Variants in CYTH2 observed in about 807,000 individuals in gnomAD.
CYTH2 encodes cytohesin 2, also known as cytohesin-2.
A neutral mutation model predicts 55.4 loss-of-function variants in CYTH2; 24 were observed. That is an observed-to-expected ratio of 0.43 (90% CI 0.31 to 0.61). The LOEUF is 0.61. Among genes scored for constraint, CYTH2 ranks in the 20% least tolerant of loss-of-function variants. CYTH2 has a pLI of 0.08. For missense variants in CYTH2, 378 were observed against 533.5 expected (o/e 0.71, Z 2.87); for synonymous variants, 221 against 209.6 (o/e 1.05, Z -0.47).
intron 8 of CYTH2, chr19:48,477,750 CA>C (rs1971946247): frequency 7.6e-6 from 3 of 394,518 alleles, no homozygotes; most frequent in Non-Finnish European, 1.4e-5. Context: ...TGTCTCCCAT[CA>C]CTAGACGAGG....
chr19:48,474,442 T>C lies in CYTH2; in HGVS notation c.696+112T>C. 8.8e-7 allele frequency: 1 copy of C among 1,139,046 alleles called. No homozygotes were observed. Among genetic ancestry groups the C allele is most frequent in the Non-Finnish European group, 1.2e-6 (1 of 823,930 alleles). 70.6% of individuals were successfully genotyped at this position (1,139,046 alleles called of 1,614,324 possible). On this transcript the variant is annotated intron_variant, in intron 7 of 11. Coordinates refer to ENST00000452733, the MANE Select transcript of CYTH2 (RefSeq NM_004228.7). This position sits in a 1 kb window ranked among gnomAD's most constrained non-coding sequence, Gnocchi z 4.9. ...CTGTCTGCCCTCACCCCCAAGATGG[T>C]GCGATCATGCCAACTCGTGTGTGAT...
chr19:48,478,728 A>T, intron 11 of CYTH2, 136 bp downstream of exon 11: 1 of 754,970 alleles, frequency 1.3e-6, no homozygotes, highest in Admixed American at 3.8e-5. Context: ...GGTCTGACGG[A>T]GGAGGGGCTG....
rs1161706140 is a variant in CYTH2 at position 48,473,968 on chromosome 19, C to T, written c.498C>T (p.Ala166=). The change falls in exon 6 of 12, where the codon GCC becomes GCT. Residue 166 remains alanine (A), a synonymous_variant. Transcript: ENST00000452733. ...AGAAAATTGACCGGATGATGGAGGC[C>T]TTCGCCCAGCGATACTGCCTGTGCA... ...EAQKIDRMME[A]FAQRYCLCNP... 2.5e-6 allele frequency: 4 copies of T among 1,613,812 alleles called. No homozygotes were observed. Among genetic ancestry groups the T allele is most frequent in the East Asian group, 2.2e-5 (1 of 44,884 alleles).
rs367727494 is a variant in CYTH2 at position 48,473,395 on chromosome 19, G to C, written c.434+17G>C. ...GGCCCTCAGGTGAGTGAGGGGGAGG[G>C]GTTTGGAACGCCAGGAATGTACCTG... On this transcript the variant is annotated intron_variant, in intron 5 of 11. Transcript: ENST00000452733. The C allele has an allele frequency of 4.3e-6, 7 of 1,613,162 alleles. No homozygotes were observed. Among genetic ancestry groups the C allele is most frequent in the Non-Finnish European group, 5.9e-6 (7 of 1,179,208 alleles).
Position 48,474,532 on chromosome 19 carries a change from T to C in CYTH2, c.696+202T>C, listed in dbSNP as rs916930955. The stretch of plus-strand genomic sequence containing the variant: ...TCTCTCAGGCTTTGGCCCTGACAAT[T>C]TTGGCCTGTCTGTCTTCTCTGTCTC... On this transcript the variant is annotated intron_variant, in intron 7 of 11. Coordinates refer to ENST00000452733, the MANE Select transcript of CYTH2 (RefSeq NM_004228.7). This position sits in a 1 kb window ranked among gnomAD's most constrained non-coding sequence, Gnocchi z 4.9. Among the ~76,000 whole-genome samples, 4 of 152,148 alleles carry C rather than the reference T, an allele frequency of 2.6e-5. No homozygotes were observed. The highest frequency in any genetic ancestry group is 9.7e-5 in the African/African-American group (4 of 41,440).
At chr19:48,478,021 C>T (rs1971953933) in intron 8 of CYTH2, 48 bp from the exon 9 acceptor site, 2 of 1,513,702 alleles carry the variant, frequency 1.3e-6, no homozygotes, top group African/African-American at 1.4e-5. Flanking sequence ...TCCCAGAGGC[C>T]CTGTCCCCCT....
At chr19:48,478,747 A>ACGC in intron 11 of CYTH2, among the ~76,000 whole-genome samples, 155 bp downstream of exon 11, 1 of 123,136 alleles carries the variant, frequency 8.1e-6, no homozygotes, top group South Asian at 2.6e-4. Context: ...TGGGGCCTGG[A>ACGC]CTCCTGGGTC....
At chr19:48,470,110 T>G in intron 1 of CYTH2, 1 of 702,260 alleles carries the variant, frequency 1.4e-6, no homozygotes, top group Non-Finnish European at 2.6e-6. Context: ...CAGGCACCCA[T>G]TCCCCTTCTC....
rs776808302 is a variant in CYTH2, at chr19:48,472,361, A to C, written c.271A>C (p.Asn91His). The change falls in exon 4 of 12, where the codon AAC (asparagine) becomes CAC (histidine). Residue 91 changes from asparagine to histidine, a missense_variant. Coordinates refer to ENST00000452733, the MANE Select transcript of CYTH2 (RefSeq NM_004228.7). ...QFLVENELLQ[N>H]TPEEIARFLY... Reference sequence around the variant, plus strand: ...CTTGGTGGAGAATGAACTGCTGCAGAACACACCCGAGGAGATCGCCCGCTT... The same window carrying C: ...CTTGGTGGAGAATGAACTGCTGCAGCACACACCCGAGGAGATCGCCCGCTT... The C allele has an allele frequency of 1.2e-5, 19 of 1,613,894 alleles. No homozygotes were observed. In the African/African-American group the frequency reaches 2.3e-4, roughly 19 times the overall value.
At position 48,479,031 on chromosome 19, in the gene CYTH2, C is replaced by T. The variant is rs540693326; in HGVS notation, c.1113-92C>T. 4.9e-5 allele frequency: 64 copies of T among 1,309,410 alleles called. No individual in the cohort carries two copies. In the East Asian group the frequency reaches 8.4e-4, roughly 17 times the overall value. The allele number at this position is 1,309,410 out of a possible 1,614,324, so 81.1% of individuals were successfully genotyped here. A position where few individuals can be genotyped will look rare whatever the true frequency, so the allele number is the denominator to read the frequency against. On this transcript the variant is annotated intron_variant, in intron 11 of 11. Transcript: ENST00000452733. The stretch of plus-strand genomic sequence containing the variant: ...CTCCTGGGTCTGAGGGAGGAGGGGC[C>T]GGGGGTCTGAGACTCCTCCTGGGTA...
Position 48,479,417 on chromosome 19 carries a change from G to A in CYTH2, c.*207G>A. On this transcript the variant is annotated 3_prime_UTR_variant, in exon 12 of 12. Coordinates refer to ENST00000452733, the MANE Select transcript of CYTH2 (RefSeq NM_004228.7). ...GCTGACCCCCTCATTTCTTGGGGTTGACAGAGTCGAGGTGCTCCGTGGAGC... is the reference window on the plus strand; with the variant it reads ...GCTGACCCCCTCATTTCTTGGGGTTAACAGAGTCGAGGTGCTCCGTGGAGC... The A allele has an allele frequency of 1.7e-6, 1 of 578,656 alleles. No individual in the cohort carries two copies. The highest frequency in any genetic ancestry group is 4.6e-4 in the Middle Eastern group (1 of 2,182). The allele number at this position is 578,656 out of a possible 1,614,324, so 35.8% of individuals were successfully genotyped here. A position where few individuals can be genotyped will look rare whatever the true frequency, so the allele number is the denominator to read the frequency against.
At chr19:48,470,701 G>A (rs761085531) in intron 3 of CYTH2, 32 bp downstream of exon 3, 1 of 1,613,918 alleles carries the variant, frequency 6.2e-7, no homozygotes, top group Non-Finnish European at 8.5e-7. Context: ...GGATCAGCTG[G>A]GCAAACATCC....
intron 10 of CYTH2, 40 bp downstream of exon 10, chr19:48,478,386 C>G (rs1364582632): frequency 1.2e-6 from 2 of 1,613,556 alleles, no homozygotes; most frequent in Non-Finnish European, 1.7e-6. Flanking sequence ...AGGGCGGGGC[C>G]TCCTCTGCCC....
At position 48,474,303 on chromosome 19, in the gene CYTH2, C is replaced by G. The variant is rs745607564; in HGVS notation, c.669C>G (p.Gly223=). Residue 223 remains glycine (G), a synonymous_variant, in exon 7 of 12, where the codon GGC becomes GGG. Transcript: ENST00000452733. The surrounding 1 kb of genome is among the most constrained non-coding windows in gnomAD (Gnocchi z 4.9). ...FVAMNRGINE[G]GDLPEELLRN... ...CCATGAACCGGGGCATCAACGAGGG[C>G]GGGGACCTGCCTGAGGAGCTGCTCA... is the stretch of plus-strand genomic sequence containing the variant. 2.5e-6 allele frequency: 4 copies of G among 1,610,926 alleles called. No homozygotes were observed. Among genetic ancestry groups the G allele is most frequent in the Non-Finnish European group, 3.4e-6 (4 of 1,178,374 alleles).
intron 5 of CYTH2, chr19:48,473,669 A>G (rs942818197): frequency 9.6e-5 from 57 of 595,892 alleles, no homozygotes; most frequent in South Asian, 6.2e-5. Flanking sequence ...ACAAGCCTCA[A>G]CCAACCCCCA....
intron 1 of CYTH2, 50 bp downstream of exon 1, chr19:48,469,576 C>G: frequency 7.5e-7 from 1 of 1,328,390 alleles, no homozygotes; most frequent in Non-Finnish European, 9.7e-7. Context: ...AGCGTTTTCT[C>G]CTGAACGTTC....
In CYTH2 at chr19:48,470,635, T is replaced by C. The variant is rs746755444; in HGVS notation, c.200T>C (p.Met67Thr). 23 of 1,613,994 alleles carry C rather than the reference T, an allele frequency of 1.4e-5. No individual in the cohort carries two copies. The South Asian group carries it at 2.5e-4, about 18-fold the overall frequency. Residue 67 changes from methionine (M) to threonine (T), a missense_variant, in exon 3 of 12, where the codon ATG becomes ACG. Coordinates refer to ENST00000452733, the MANE Select transcript of CYTH2 (RefSeq NM_004228.7). ...KTLQRNRKMAMGRKKFNMDPK... is the reference protein window; with the variant it reads ...KTLQRNRKMATGRKKFNMDPK... ...TTGCAACGGAACCGGAAGATGGCAATGGGCAGGAAGAAGTTCAACATGGAC... is the reference window on the plus strand; with the variant it reads ...TTGCAACGGAACCGGAAGATGGCAACGGGCAGGAAGAAGTTCAACATGGAC...
rs770507596 is a variant in CYTH2, at chr19:48,472,461, C to G, written c.353+18C>G. ...GGGGAGAGGTACGGTCACCACTCAGCTCCTGTGGGGCCCCTCCCTCCCACC... is the reference window on the plus strand; with the variant it reads ...GGGGAGAGGTACGGTCACCACTCAGGTCCTGTGGGGCCCCTCCCTCCCACC... On this transcript the variant is annotated intron_variant, in intron 4 of 11. Coordinates refer to ENST00000452733, the MANE Select transcript of CYTH2 (RefSeq NM_004228.7). The G allele has an allele frequency of 1.5e-5, 24 of 1,606,796 alleles. No individual in the cohort carries two copies. The highest frequency in any genetic ancestry group is 1.7e-5 in the Admixed American group (1 of 59,860).
chr19:48,475,289 C>A (rs1055579355), intron 8 of CYTH2: 4 of 262,828 alleles, frequency 1.5e-5, no homozygotes, highest in Middle Eastern at 1.2e-3. Context: ...CTTTCCACTG[C>A]GTTAACCCAG....
Sources: allele counts gnomAD v4.1 joint callset (sites outside exome capture counted in the v4.1 genomes callset), GRCh38; gene constraint gnomAD v4.1.1; non-coding constraint Gnocchi (gnomAD v3.1); transcripts MANE v1.5; gene names NCBI Gene and HGNC (gene_info 2026-07-23, HGNC 2026-07-21).